CLCN6: variants seen among roughly 807,000 people sequenced by gnomAD.
The protein encoded by CLCN6 is Cl-/H+ antiporter 6, also known as H(+)/Cl(-) exchange transporter 6.
A neutral mutation model predicts 109.8 loss-of-function variants in CLCN6; 70 were observed. The ratio of observed to expected loss-of-function variants is 0.64; its 90% CI spans 0.53 to 0.78. The LOEUF is 0.78. Among genes scored for constraint, CLCN6 ranks in the 30% least tolerant of loss-of-function variants. The pLI is 0.00. For synonymous variants in CLCN6, 444 were observed against 447.8 expected (o/e 0.99, Z 0.11); for missense variants, 984 against 1,142.3 (o/e 0.86, Z 2.00).
At chr1:11,839,292 C>T (rs112007883) in intron 22 of CLCN6, among the ~76,000 whole-genome samples, 3,692 of 152,288 alleles carry the variant, frequency 0.024, 64 homozygotes, top group Non-Finnish European at 0.038. Flanking sequence ...GACAGGGTCT[C>T]ACTCTGTCAC....
chr1:11,830,737 T>TATAA (rs1359328796), intron 13 of CLCN6, among the ~76,000 whole-genome samples: 37 of 91,054 alleles, frequency 4.1e-4, no homozygotes, highest in African/African-American at 1.4e-3. Flanking sequence ...TATGTATATA[T>TATAA]TATATATATA....
chr1:11,838,882 C>G, intron 22 of CLCN6: 1 of 731,320 alleles, frequency 1.4e-6, no homozygotes. Flanking sequence ...TCCTTTCCAG[C>G]CAGAGCCGCG....
intron 13 of CLCN6, among the ~76,000 whole-genome samples, chr1:11,830,738 TA>T (rs377106883): frequency 0.41 from 32,861 of 80,348 alleles, 4,144 homozygotes; most frequent in Middle Eastern, 0.48. Flanking sequence ...ATGTATATAT[TA>T]TATATATATA....
chr1:11,839,359 T>C, intron 22 of CLCN6, among the ~76,000 whole-genome samples: 1 of 152,176 alleles, frequency 6.6e-6, no homozygotes, highest in East Asian at 1.9e-4. Context: ...CCTTCCAGGC[T>C]CAAGCAGTCC....
chr1:11,807,435 G>A (rs200110865), intron 2 of CLCN6, among the ~76,000 whole-genome samples: 1 of 152,224 alleles, frequency 6.6e-6, no homozygotes, highest in African/African-American at 2.4e-5. Flanking sequence ...GATAGAGTAT[G>A]TATTTGCCAT....
intron 2 of CLCN6, 24 bp downstream of exon 2, chr1:11,807,214 G>A: frequency 6.2e-7 from 1 of 1,606,154 alleles, no homozygotes; most frequent in South Asian, 1.1e-5. Context: ...ATACTGCTTG[G>A]GCAACTAAAG....
intron 8 of CLCN6, among the ~76,000 whole-genome samples, chr1:11,824,776 A>G (rs931804195): frequency 1.8e-4 from 27 of 152,128 alleles, no homozygotes; most frequent in Admixed American, 1.5e-3. Flanking sequence ...AGACATAGAG[A>G]AAAACTGTGA....
At chr1:11,836,468 C>A (rs948564576) in intron 18 of CLCN6, among the ~76,000 whole-genome samples, 1 of 152,206 alleles carries the variant, frequency 6.6e-6, no homozygotes, top group African/African-American at 2.4e-5. Context: ...CAGAAATGGA[C>A]TTCGACCTCC....
At position 11,840,285 on chromosome 1, in the gene CLCN6, C is replaced by A; in HGVS notation, c.*62C>A. The A allele has an allele frequency of 7.1e-7, 1 of 1,411,114 alleles. No homozygotes were observed. The highest frequency in any genetic ancestry group is 1.0e-6 in the Non-Finnish European group (1 of 1,004,102). 87.4% of individuals were successfully genotyped at this position (1,411,114 alleles called of 1,614,324 possible). Reference sequence around the variant, plus strand: ...GGCAAATCATGCTCACTCCGGCGGGCACAGCTGGCTGGGGCTGTTCCGGGG... The same window carrying A: ...GGCAAATCATGCTCACTCCGGCGGGAACAGCTGGCTGGGGCTGTTCCGGGG... On this transcript the variant is annotated 3_prime_UTR_variant, in exon 23 of 23. Coordinates refer to ENST00000346436, the MANE Select transcript of CLCN6 (RefSeq NM_001286.5).
chr1:11,812,820 C>T (rs1644619373), intron 2 of CLCN6, among the ~76,000 whole-genome samples: 1 of 152,006 alleles, frequency 6.6e-6, no homozygotes, highest in African/African-American at 2.4e-5. Flanking sequence ...CTCTTCTCTG[C>T]CGTTCCCTTA....
At position 11,833,470 on chromosome 1, in the gene CLCN6, A is replaced by C. The variant is rs375818149; in HGVS notation, c.1249-45A>C. On this transcript the variant is annotated intron_variant, in intron 13 of 22. Coordinates refer to ENST00000346436, the MANE Select transcript of CLCN6 (RefSeq NM_001286.5). ...CTGGAGACATCCCACTTGAAGACTCAAAGTCAGGTGTCCTTGTACTGATTT... is the reference window on the plus strand; with the variant it reads ...CTGGAGACATCCCACTTGAAGACTCCAAGTCAGGTGTCCTTGTACTGATTT... 3.4e-5 allele frequency: 55 copies of C among 1,605,956 alleles called. No individual in the cohort carries two copies. The African/African-American group carries it at 7.2e-4, about 21-fold the overall frequency.
rs201840976 is a variant in CLCN6, at chr1:11,827,188, G to A, written c.807G>A (p.Ser269=). The A allele has an allele frequency of 3.3e-4, 526 of 1,613,430 alleles. No homozygotes were observed. Among genetic ancestry groups the A allele is most frequent in the East Asian group, 2.1e-3 (96 of 44,844 alleles). Residue 269 remains serine (S), a synonymous_variant, in exon 10 of 23, where the codon TCG becomes TCA. Transcript: ENST00000346436. The stretch of plus-strand genomic sequence containing the variant: ...CCTTGTTCAGTCTAGAGGAGGGTTC[G>A]TCCTTCTGGAACCAAGGGCTCACGT... ...GGTLFSLEEG[S]SFWNQGLTWK...
chr1:11,839,433 T>C (rs1182820968), intron 22 of CLCN6, among the ~76,000 whole-genome samples: 1 of 152,208 alleles, frequency 6.6e-6, no homozygotes, highest in African/African-American at 2.4e-5. Flanking sequence ...AGCTAGTTTT[T>C]GTATTTATGG....
chr1:11,816,461 T>C (rs2100616041), intron 3 of CLCN6, among the ~76,000 whole-genome samples, 154 bp from the exon 4 acceptor site: 1 of 152,326 alleles, frequency 6.6e-6, no homozygotes. Context: ...AGTCCATCAT[T>C]TTTGCACTGT....
chr1:11,831,190 T>G (rs988297403), intron 13 of CLCN6, among the ~76,000 whole-genome samples: 4 of 151,276 alleles, frequency 2.6e-5, no homozygotes, highest in Non-Finnish European at 5.9e-5. Context: ...AAAGTCTCAC[T>G]CTGTTGCCCA....
At chr1:11,826,481 C>A (rs1193359422) in intron 9 of CLCN6, among the ~76,000 whole-genome samples, 1 of 152,228 alleles carries the variant, frequency 6.6e-6, no homozygotes, top group Non-Finnish European at 1.5e-5. Flanking sequence ...CCAAGAAAGG[C>A]CACAGACAGG....
At position 11,837,355 on chromosome 1, in the gene CLCN6, C is replaced by A; in HGVS notation, c.2151C>A (p.Tyr717Ter). 1.2e-6 allele frequency: 2 copies of A among 1,611,636 alleles called. No homozygotes were observed. Among genetic ancestry groups the A allele is most frequent in the Non-Finnish European group, 8.5e-7 (1 of 1,177,902 alleles). ...TTTTGTGTAACAGATACACTCCCTA[C>A]CCCAACCTATACCCTGACCAGTCCC... is the stretch of plus-strand genomic sequence containing the variant. Reference protein sequence around the residue: ...QQMLERRYTPYPNLYPDQSPS... With the variant: ...QQMLERRYTP The change falls in exon 20 of 23, where the codon TAC (tyrosine) becomes TAA (stop). Residue 717 changes from tyrosine to a stop codon, truncating the protein, a stop_gained. Coordinates refer to ENST00000346436, the MANE Select transcript of CLCN6 (RefSeq NM_001286.5). LOFTEE classifies it high-confidence loss of function.
Position 11,834,767 on chromosome 1 carries a change from G to A in CLCN6, c.1793+177G>A, listed in dbSNP as rs1016396388. On this transcript the variant is annotated intron_variant, in intron 17 of 22. Coordinates refer to ENST00000346436, the MANE Select transcript of CLCN6 (RefSeq NM_001286.5). The surrounding 1 kb of genome is among the most constrained non-coding windows in gnomAD (Gnocchi z 4.5). ...GCAGCCCATGGGCTGGGGGCTGCGG[G>A]GGCAGGGCAGGGGACACGGGCACTG... is the stretch of plus-strand genomic sequence containing the variant. Among the ~76,000 whole-genome samples, 5 of 152,166 alleles carry A rather than the reference G, an allele frequency of 3.3e-5. No homozygotes were observed. The highest frequency in any genetic ancestry group is 1.2e-4 in the African/African-American group (5 of 41,436).
chr1:11,835,075 C>T (rs1342872924), intron 17 of CLCN6, among the ~76,000 whole-genome samples: 1 of 152,168 alleles, frequency 6.6e-6, no homozygotes, highest in Non-Finnish European at 1.5e-5. Context: ...CGGGCTAACA[C>T]GGGGGCCAGC....
Sources: allele counts gnomAD v4.1 joint callset (sites outside exome capture counted in the v4.1 genomes callset), GRCh38; gene constraint gnomAD v4.1.1; non-coding constraint Gnocchi (gnomAD v3.1); transcripts MANE v1.5; gene names NCBI Gene and HGNC (gene_info 2026-07-23, HGNC 2026-07-21).